The following NAV2 variants were observed in gnomAD, a reference collection of about 807,000 sequenced individuals.
NAV2 encodes the protein helicase, APC down-regulated 1.
NAV2 carries 54 observed loss-of-function variants against 223.2 expected under a neutral mutation model. The observed-to-expected ratio is 0.24, with a 90% CI of 0.19 to 0.30. The LOEUF (loss-of-function observed/expected upper bound fraction) is 0.30, where lower values mean the gene tolerates loss of function less well. Among genes scored for constraint, NAV2 ranks in the 10% least tolerant of loss-of-function variants. The probability of loss-of-function intolerance (pLI) is 1.00; values close to 1 mark genes in which losing one functional copy is unlikely to be tolerated. For missense variants in NAV2, 2,806 were observed against 3,147.5 expected, an observed-to-expected ratio of 0.89 and a Z score of 2.60; for synonymous variants, 1,279 against 1,239.3, an observed-to-expected ratio of 1.03 and a Z score of -0.67.
At chr11:19,725,643 T>C (rs1418555796) in intron 1 of NAV2, among the ~76,000 whole-genome samples, 1 of 152,212 alleles carries the variant, frequency 6.6e-6, no homozygotes, top group African/African-American at 2.4e-5. Context: ...ATTCCTTCTC[T>C]GGATTGCAGA....
intron 1 of NAV2, among the ~76,000 whole-genome samples, chr11:19,372,060 T>C (rs1183101498): frequency 6.6e-6 from 1 of 152,158 alleles, no homozygotes; most frequent in Non-Finnish European, 1.5e-5. Flanking sequence ...ATTACAGGCA[T>C]GAGCCACTGC....
At chr11:19,374,122 A>G (rs1848561676) in intron 1 of NAV2, among the ~76,000 whole-genome samples, 1 of 152,204 alleles carries the variant, frequency 6.6e-6, no homozygotes, top group South Asian at 2.1e-4. Flanking sequence ...TACCACACGT[A>G]TCACCAGTCT....
intron 1 of NAV2, among the ~76,000 whole-genome samples, chr11:19,517,287 C>T (rs574973538): frequency 6.6e-6 from 1 of 152,272 alleles, no homozygotes; most frequent in Admixed American, 6.5e-5. Context: ...TGGTGTTCCT[C>T]CTTTGGGGCA....
At chr11:19,662,492 T>G (rs2048311956) in intron 1 of NAV2, among the ~76,000 whole-genome samples, 1 of 152,200 alleles carries the variant, frequency 6.6e-6, no homozygotes, top group South Asian at 2.1e-4. Flanking sequence ...GAATAGCAAT[T>G]GCTGAGAGGC....
chr11:19,714,219 G>A (rs1565193683), intron 1 of NAV2: 16 of 687,068 alleles, frequency 2.3e-5, no homozygotes, highest in Middle Eastern at 2.3e-4. Flanking sequence ...CATCTTCCTG[G>A]GGAGGAGGAA....
intron 1 of NAV2, among the ~76,000 whole-genome samples, chr11:19,703,779 G>C (rs943938828): frequency 3.9e-5 from 6 of 152,338 alleles, no homozygotes; most frequent in African/African-American, 1.4e-4. Context: ...ATAAAGCCAT[G>C]TTTTTCAATT....
At chr11:20,032,144 G>A (rs761530278) in intron 11 of NAV2, among the ~76,000 whole-genome samples, 2 of 152,210 alleles carry the variant, frequency 1.3e-5, no homozygotes, top group African/African-American at 2.4e-5. Context: ...TGCAGGGGCA[G>A]CTTTGGTTTC....
At chr11:19,939,915 T>TC (rs1327372943) in intron 8 of NAV2, 142 bp downstream of exon 8, 29 of 540,714 alleles carry the variant, frequency 5.4e-5, no homozygotes, top group Non-Finnish European at 6.4e-5. Context: ...TTCTTTCTTT[T>TC]TTTTTTTCCT....
intron 1 of NAV2, among the ~76,000 whole-genome samples, chr11:19,647,471 A>C (rs1331566852): frequency 6.6e-6 from 1 of 152,112 alleles, no homozygotes; most frequent in East Asian, 1.9e-4. Flanking sequence ...TCCAGCACCA[A>C]CATCATCCCT....
rs1334688431 is a variant in NAV2, at chr11:19,948,992, C to A, written c.2557C>A (p.Leu853Met). ...VSDKAGDEMD[L>M]EGISMDAPGY... ...AGACAAGGCAGGAGATGAGATGGACCTGGAAGGCATCAGCATGGATGCCCC... is the reference window on the plus strand; with the variant it reads ...AGACAAGGCAGGAGATGAGATGGACATGGAAGGCATCAGCATGGATGCCCC... Residue 853 changes from leucine to methionine, a missense_variant, in exon 10 of 38, where the codon CTG (leucine) becomes ATG (methionine). Leu to Met is a conservative substitution (Grantham distance 15). This residue lies in a region of NAV2 where 1,167 missense variants were observed against 1,180.5 expected (regional missense o/e 0.99). Coordinates refer to ENST00000349880, the MANE Select transcript of NAV2 (RefSeq NM_145117.5). The A allele has an allele frequency of 5.6e-6, 9 of 1,613,876 alleles. No homozygotes were observed. The highest frequency in any genetic ancestry group is 7.6e-6 in the Non-Finnish European group (9 of 1,179,832).
chr11:19,516,733 G>T (rs1030931205), intron 1 of NAV2, among the ~76,000 whole-genome samples: 25 of 152,194 alleles, frequency 1.6e-4, no homozygotes, highest in African/African-American at 5.8e-4. Context: ...AAAGCCAAGG[G>T]ACTTCCTGCT....
chr11:19,590,206 C>T (rs544155086), intron 1 of NAV2, among the ~76,000 whole-genome samples: 7 of 152,290 alleles, frequency 4.6e-5, no homozygotes, highest in African/African-American at 7.2e-5. Flanking sequence ...GCATTTATAA[C>T]GGTTCCTGGC....
At position 20,062,300 on chromosome 11, in the gene NAV2, T is replaced by C. The variant is rs1225825958; in HGVS notation, c.4832-7T>C. The stretch of plus-strand genomic sequence containing the variant: ...TATCAATTCACCTTTTTTTTTTCTT[T>C]TAATAGTTCATGGATCCTCACTCTC... On this transcript the variant is annotated splice_polypyrimidine_tract_variant and splice_region_variant and intron_variant, in intron 19 of 37. Coordinates refer to ENST00000349880, the MANE Select transcript of NAV2 (RefSeq NM_145117.5). The C allele has an allele frequency of 6.2e-7, 1 of 1,606,712 alleles. No individual in the cohort carries two copies. Among genetic ancestry groups the C allele is most frequent in the Non-Finnish European group, 8.5e-7 (1 of 1,178,128 alleles).
intron 1 of NAV2, among the ~76,000 whole-genome samples, chr11:19,746,830 T>C (rs1254355053): frequency 6.6e-6 from 1 of 151,824 alleles, no homozygotes; most frequent in African/African-American, 2.4e-5. Flanking sequence ...ATCATGTCTG[T>C]CCCGGCTTAA....
chr11:19,892,420 C>G lies in NAV2; in HGVS notation c.771-14C>G. 3.7e-6 allele frequency: 6 copies of G among 1,612,446 alleles called. No homozygotes were observed. Among genetic ancestry groups the G allele is most frequent in the African/African-American group, 2.7e-5 (2 of 75,022 alleles). On this transcript the variant is annotated splice_polypyrimidine_tract_variant and intron_variant, in intron 5 of 37. Transcript: ENST00000349880. Reference sequence around the variant, plus strand: ...TGAGACTGAATGCATTATCCTGTTGCTTTTGCATTTTAGACTTCCAGGTCC... The same window carrying G: ...TGAGACTGAATGCATTATCCTGTTGGTTTTGCATTTTAGACTTCCAGGTCC...
rs1325925445 is a variant in NAV2 at position 20,105,627 on chromosome 11, G to A, written c.6741G>A (p.Val2247=). Residue 2247 remains valine (V), a synonymous_variant, in exon 35 of 38, where the codon GTG becomes GTA. Transcript: ENST00000349880. The part of the protein sequence containing the change: ...KLMETEISGR[V]RNMELVKIID... ...TGGAAACAGAGATCAGTGGGCGGGT[G>A]CGCAATATGGAGCTGGTAAAAATCA... 5 of 1,614,084 alleles carry A rather than the reference G, an allele frequency of 3.1e-6. No homozygotes were observed. The highest frequency in any genetic ancestry group is 4.2e-6 in the Non-Finnish European group (5 of 1,180,002).
At chr11:19,360,134 C>G (rs1853848369) in intron 1 of NAV2, among the ~76,000 whole-genome samples, 1 of 152,222 alleles carries the variant, frequency 6.6e-6, no homozygotes, top group Non-Finnish European at 1.5e-5. Context: ...GTCTCTTCAG[C>G]CAAATCTCAG....
chr11:19,527,067 T>C (rs2043863493), intron 1 of NAV2, among the ~76,000 whole-genome samples: 1 of 151,932 alleles, frequency 6.6e-6, no homozygotes, highest in Non-Finnish European at 1.5e-5. Context: ...TGTTTATCTC[T>C]CTTGATATGG....
intron 1 of NAV2, among the ~76,000 whole-genome samples, chr11:19,429,143 C>A (rs2133577640): frequency 6.6e-6 from 1 of 152,330 alleles, no homozygotes; most frequent in Non-Finnish European, 1.5e-5. Flanking sequence ...TCTTCTGCTT[C>A]TCTTGCCAGA....
Sources: allele counts gnomAD v4.1 joint callset (sites outside exome capture counted in the v4.1 genomes callset), GRCh38; gene constraint gnomAD v4.1.1; regional missense constraint gnomAD v4.1.1; transcripts MANE v1.5; gene names NCBI Gene and HGNC (gene_info 2026-07-23, HGNC 2026-07-21).